Variants in RSU1 observed in about 807,000 individuals in gnomAD.
RSU1 encodes the protein rsu-1.
A neutral mutation model predicts 31.1 loss-of-function variants in RSU1; 26 were observed. The observed-to-expected ratio is 0.84, with a 90% CI of 0.61 to 1.16. The LOEUF (loss-of-function observed/expected upper bound fraction) is 1.16, where lower values mean the gene tolerates loss of function less well. Ranked by LOEUF, RSU1 falls within the 50% of genes most tolerant of loss-of-function variation. The pLI is 0.00. For synonymous variants in RSU1, 164 were observed against 136.3 expected (o/e 1.20, Z -1.41); for missense variants, 320 against 339.1 (o/e 0.94, Z 0.44).
At chr10:16,642,550 C>T (rs578016899) in intron 8 of RSU1, among the ~76,000 whole-genome samples, 7 of 152,236 alleles carry the variant, frequency 4.6e-5, no homozygotes, top group South Asian at 2.1e-4. Context: ...TCCAGGATGG[C>T]ATGTCTTTTA....
At position 16,799,506 on chromosome 10, in the gene RSU1, AAACAAC is replaced by A. The variant is rs57657837; in HGVS notation, c.110-17428_110-17423del. The stretch of plus-strand genomic sequence containing the variant: ...GTGGTAAACTAATTTGAGAGATTAA[AAACAAC>A]AACAACAACAACAAAAACAACAACA... On this transcript the variant is annotated intron_variant, in intron 2 of 8. Transcript: ENST00000345264. Among the ~76,000 whole-genome samples, 911 of 151,716 alleles carry A rather than the reference AAACAAC, an allele frequency of 6.0e-3. 26 individuals carry two copies. In the East Asian group the frequency reaches 0.1, roughly 17 times the overall value.
chr10:16,620,158 T>C (rs898096062), intron 8 of RSU1, among the ~76,000 whole-genome samples: 8 of 152,212 alleles, frequency 5.3e-5, no homozygotes, highest in African/African-American at 1.9e-4. Flanking sequence ...TTATTTAACC[T>C]ATCTGAGGTT....
At chr10:16,599,906 T>C (rs1833687242) in intron 8 of RSU1, among the ~76,000 whole-genome samples, 1 of 152,116 alleles carries the variant, frequency 6.6e-6, no homozygotes, top group South Asian at 2.1e-4. Context: ...AAAGGGAGCC[T>C]GGCCCAAGGT....
intron 8 of RSU1, among the ~76,000 whole-genome samples, chr10:16,621,228 A>C (rs1834064362): frequency 6.6e-6 from 1 of 152,156 alleles, no homozygotes; most frequent in Non-Finnish European, 1.5e-5. Context: ...GCAGGTGGAG[A>C]TCAGGGATGC....
chr10:16,709,283 A>G (rs1233729150), intron 7 of RSU1, among the ~76,000 whole-genome samples: 1 of 152,082 alleles, frequency 6.6e-6, no homozygotes, highest in East Asian at 1.9e-4. Flanking sequence ...ACTGAGAATG[A>G]TGATTTCCAA....
At chr10:16,759,743 A>G (rs1477225517) in intron 4 of RSU1, among the ~76,000 whole-genome samples, 1 of 152,216 alleles carries the variant, frequency 6.6e-6, no homozygotes, top group Non-Finnish European at 1.5e-5. Flanking sequence ...AACTCTATGA[A>G]ATAAACCGCA....
intron 2 of RSU1, among the ~76,000 whole-genome samples, chr10:16,809,223 C>T (rs1008737099): frequency 6.6e-6 from 1 of 152,214 alleles, no homozygotes; most frequent in Non-Finnish European, 1.5e-5. Context: ...ATTCCATTTC[C>T]TTTGATTGGA....
chr10:16,782,009 G>T, intron 3 of RSU1, 25 bp downstream of exon 3: 1 of 1,604,818 alleles, frequency 6.2e-7, no homozygotes, highest in Non-Finnish European at 8.5e-7. Context: ...GTCAGAAACT[G>T]TAACAAATGA....
chr10:16,620,147 G>T (rs1414557712), intron 8 of RSU1, among the ~76,000 whole-genome samples: 1 of 152,110 alleles, frequency 6.6e-6, no homozygotes, highest in African/African-American at 2.4e-5. Flanking sequence ...CTTTGAGCAG[G>T]TTATTTAACC....
At chr10:16,682,574 G>GCACACA (rs71200966) in intron 8 of RSU1, among the ~76,000 whole-genome samples, 6,811 of 138,066 alleles carry the variant, frequency 0.049, 379 homozygotes, top group African/African-American at 0.094. Context: ...ACACACACAT[G>GCACACA]CATGCATGTT....
At chr10:16,747,774 TGTA>T (rs1482663656) in intron 7 of RSU1, among the ~76,000 whole-genome samples, 5 of 152,240 alleles carry the variant, frequency 3.3e-5, no homozygotes, top group African/African-American at 1.2e-4. Context: ...GGCTCATGCC[TGTA>T]ATCCCAGTGC....
intron 7 of RSU1, among the ~76,000 whole-genome samples, chr10:16,739,466 CTTTTTTT>C (rs35664560): frequency 1.1e-5 from 1 of 94,240 alleles, no homozygotes; most frequent in East Asian, 3.4e-4. Context: ...CATTTTCTTC[CTTTTTTT>C]TTTTTTTTTT....
chr10:16,613,076 A>C (rs1298259703), intron 8 of RSU1, among the ~76,000 whole-genome samples: 1 of 152,034 alleles, frequency 6.6e-6, no homozygotes, highest in Non-Finnish European at 1.5e-5. Flanking sequence ...ATGTTTCCAA[A>C]ATCATCATCG....
At chr10:16,807,113 A>G (rs1838289014) in intron 2 of RSU1, among the ~76,000 whole-genome samples, 1 of 152,212 alleles carries the variant, frequency 6.6e-6, no homozygotes, top group African/African-American at 2.4e-5. Flanking sequence ...AAGAACACCA[A>G]GTTACATAGA....
At chr10:16,749,122 C>A (rs764121147) in intron 7 of RSU1, among the ~76,000 whole-genome samples, 2 of 152,168 alleles carry the variant, frequency 1.3e-5, no homozygotes, top group Admixed American at 6.5e-5. Flanking sequence ...TGAATGGGTA[C>A]ACGAGACTCA....
intron 8 of RSU1, among the ~76,000 whole-genome samples, chr10:16,685,919 T>G (rs1835433590): frequency 2.0e-5 from 3 of 152,144 alleles, no homozygotes; most frequent in South Asian, 4.1e-4. Context: ...AAACAAATAA[T>G]ATGCAAACAC....
chr10:16,793,748 T>C (rs1837974278), intron 2 of RSU1, among the ~76,000 whole-genome samples: 1 of 152,038 alleles, frequency 6.6e-6, no homozygotes, highest in Non-Finnish European at 1.5e-5. Context: ...GAGATGCAGC[T>C]GCTGCCCTCA....
chr10:16,671,262 C>A (rs115269615), intron 8 of RSU1, among the ~76,000 whole-genome samples: 157 of 152,072 alleles, frequency 1.0e-3, no homozygotes, highest in African/African-American at 3.6e-3. Context: ...AGGCTAGTCT[C>A]GGAACTCCTG....
At chr10:16,714,663 T>C (rs1836098562) in intron 7 of RSU1, among the ~76,000 whole-genome samples, 1 of 152,144 alleles carries the variant, frequency 6.6e-6, no homozygotes, top group African/African-American at 2.4e-5. Flanking sequence ...TCATTCCATG[T>C]GACCTATGCT....
Sources: allele counts gnomAD v4.1 joint callset (sites outside exome capture counted in the v4.1 genomes callset), GRCh38; gene constraint gnomAD v4.1.1; transcripts MANE v1.5; gene names NCBI Gene and HGNC (gene_info 2026-07-23, HGNC 2026-07-21).